Variants in CPXCR1 observed in about 807,000 individuals in gnomAD.
CPXCR1 encodes the protein CPX chromosome region candidate 1.
CPXCR1 carries 15 observed loss-of-function variants against 13.8 expected under a neutral mutation model. That is an observed-to-expected ratio of 1.09 (90% CI 0.73 to 1.67). The LOEUF (loss-of-function observed/expected upper bound fraction) is 1.67, where lower values mean the gene tolerates loss of function less well. Ranked by LOEUF, CPXCR1 falls within the 40% of genes most tolerant of loss-of-function variation. CPXCR1 has a pLI of 0.00. For missense variants in CPXCR1, 247 were observed against 223.6 expected (o/e 1.10, Z -0.67); for synonymous variants, 70 against 76.7 (o/e 0.91, Z 0.46).
At chrX:88,749,886 T>C in intron 2 of CPXCR1, among the ~76,000 whole-genome samples, 1 of 108,100 alleles carries the variant, frequency 9.3e-6, no homozygotes, top group Admixed American at 1.0e-4. Context: ...ATCACTATTA[T>C]TGGTGTATAG....
chrX:88,748,376 T>C (rs1032385486), intron 1 of CPXCR1, among the ~76,000 whole-genome samples: 7 of 108,620 alleles, frequency 6.4e-5, no homozygotes, highest in Non-Finnish European at 1.1e-4. Context: ...TATAATGCTC[T>C]ATGTAAGTGA....
chrX:88,753,244 C>T (rs376794617), intron 2 of CPXCR1, among the ~76,000 whole-genome samples, 163 bp from the exon 3 acceptor site: 4 of 111,549 alleles, frequency 3.6e-5, no homozygotes, highest in East Asian at 2.8e-4. Flanking sequence ...CCTCAGTTTT[C>T]ACTTTATTCT....
At chrX:88,752,721 A>AT (rs1412238839) in intron 2 of CPXCR1, among the ~76,000 whole-genome samples, 1 of 109,019 alleles carries the variant, frequency 9.2e-6, no homozygotes, top group Non-Finnish European at 1.9e-5. Context: ...TAATTTTTGT[A>AT]TTTTTTGTAG....
intron 2 of CPXCR1, among the ~76,000 whole-genome samples, chrX:88,751,574 CT>C: frequency 9.0e-6 from 1 of 111,536 alleles, no homozygotes; most frequent in South Asian, 3.7e-4. Context: ...CTGTTCATGT[CT>C]GTTAGGTCCA....
chrX:88,751,970 C>T (rs975350965), intron 2 of CPXCR1, among the ~76,000 whole-genome samples: 2 of 111,630 alleles, frequency 1.8e-5, no homozygotes, highest in Admixed American at 9.5e-5. Flanking sequence ...TATGTTAGCT[C>T]ATAAAAACTA....
chrX:88,753,578 C>A lies in CPXCR1; in HGVS notation c.164C>A (p.Thr55Lys), dbSNP rs1296045816. 8.3e-7 allele frequency: 1 copy of A among 1,208,459 alleles called. No homozygotes were observed. The change falls in exon 3 of 3, where the codon ACA (threonine) becomes AAA (lysine). Residue 55 changes from threonine to lysine, a missense_variant. Transcript: ENST00000276127. ...AACCCAATAAACAGGGAGCCAGGCA[C>A]AGCAACCTCCCAGGAAGATGTTGTT... ...ETNPINREPG[T>K]ATSQEDVVPQ...
At chrX:88,751,091 C>A (rs2206242) in intron 2 of CPXCR1, among the ~76,000 whole-genome samples, 10,060 of 110,736 alleles carry the variant, frequency 0.091, 1,090 homozygotes, top group African/African-American at 0.31. Flanking sequence ...CTGATCTTAG[C>A]TATTACTTGT....
At chrX:88,748,373 C>T (rs758569754) in intron 1 of CPXCR1, among the ~76,000 whole-genome samples, 3 of 105,170 alleles carry the variant, frequency 2.9e-5, no homozygotes, top group Admixed American at 1.0e-4. Flanking sequence ...ATTTATAATG[C>T]TCTATGTAAG....
intron 2 of CPXCR1, among the ~76,000 whole-genome samples, chrX:88,750,445 CT>C (rs1298612234): frequency 9.0e-6 from 1 of 111,454 alleles, no homozygotes; most frequent in Non-Finnish European, 1.9e-5. Flanking sequence ...GGTGGATAAG[CT>C]TTTTGATGTG....
Position 88,753,482 on chromosome X carries a change from C to T in CPXCR1, c.68C>T (p.Pro23Leu), listed in dbSNP as rs755889867. Residue 23 changes from proline (P) to leucine (L), a missense_variant, in exon 3 of 3, where the codon CCT (proline) becomes CTT (leucine). Coordinates refer to ENST00000276127, the MANE Select transcript of CPXCR1 (RefSeq NM_033048.6). The part of the protein sequence containing the change: ...GNAHKNSENE[P>L]PNDCSTDIES... Reference sequence around the variant, plus strand: ...GCTCACAAAAATTCTGAAAATGAGCCTCCTAATGACTGTAGTACAGACATA... The same window carrying T: ...GCTCACAAAAATTCTGAAAATGAGCTTCCTAATGACTGTAGTACAGACATA... The T allele has an allele frequency of 7.7e-6, 9 of 1,171,038 alleles. No individual in the cohort carries two copies. The highest frequency in any genetic ancestry group is 9.1e-6 in the Non-Finnish European group (8 of 875,398).
chrX:88,752,650 G>A (rs964573271), intron 2 of CPXCR1, among the ~76,000 whole-genome samples: 3 of 109,940 alleles, frequency 2.7e-5, no homozygotes, highest in Non-Finnish European at 3.8e-5. Flanking sequence ...GGGTTCCAGC[G>A]ATTCTCCTGT....
intron 2 of CPXCR1, among the ~76,000 whole-genome samples, chrX:88,751,573 T>G (rs770599003): frequency 1.4e-4 from 16 of 111,734 alleles, no homozygotes; most frequent in Non-Finnish European, 2.8e-4. Context: ...TCTGTTCATG[T>G]CTGTTAGGTC....
chrX:88,750,680 TTGGTTGTGAATCTGTC>T (rs887280178), intron 2 of CPXCR1, among the ~76,000 whole-genome samples: 9 of 111,750 alleles, frequency 8.1e-5, no homozygotes, highest in Non-Finnish European at 1.7e-4. Context: ...CTGGTAGAAT[TTGGTTGTGAATCTGTC>T]TGGTCCTGGA....
At position 88,753,717 on chromosome X, in the gene CPXCR1, CT is replaced by C. The variant is rs1263868616; in HGVS notation, c.304del (p.Ser102LeufsTer5). The C allele has an allele frequency of 1.7e-6, 2 of 1,207,242 alleles. No homozygotes were observed. The highest frequency in any genetic ancestry group is 1.8e-5 in the African/African-American group (1 of 56,977). On this transcript the variant is annotated frameshift_variant, in exon 3 of 3. Coordinates refer to ENST00000276127, the MANE Select transcript of CPXCR1 (RefSeq NM_033048.6). LOFTEE classifies it high-confidence loss of function. ...AGACCCCCATTCCCAGAAAATTGGT[CT>C]CTCACAAGCCCTTAAATGATAGATC... ...LQTPIPRKLV[S>X]HKPLNDRSRS...
chrX:88,748,336 T>C (rs1312268248), intron 1 of CPXCR1, among the ~76,000 whole-genome samples: 1 of 108,678 alleles, frequency 9.2e-6, no homozygotes, highest in East Asian at 2.8e-4. Context: ...TGTATATATA[T>C]TTTTAGTGTT....
chrX:88,749,020 C>T (rs775312701), intron 1 of CPXCR1, among the ~76,000 whole-genome samples: 1 of 105,959 alleles, frequency 9.4e-6, no homozygotes, highest in African/African-American at 3.5e-5. Flanking sequence ...TGTTGGTGTG[C>T]TGCACCCATT....
In CPXCR1 at chrX:88,753,950, C is replaced by T; in HGVS notation, c.536C>T (p.Ala179Val). ...ATGTGGGTAAAGCGAAAATATATAG[C>T]ATGTCTTTACCATCCAAATAGTTTC... ...NTMWVKRKYI[A>V]CLYHPNSFTH... Residue 179 changes from alanine to valine, a missense_variant, in exon 3 of 3, where the codon GCA (alanine) becomes GTA (valine). Transcript: ENST00000276127. The T allele has an allele frequency of 8.3e-7, 1 of 1,209,719 alleles. No individual in the cohort carries two copies. The highest frequency in any genetic ancestry group is 1.1e-6 in the Non-Finnish European group (1 of 894,099).
intron 1 of CPXCR1, among the ~76,000 whole-genome samples, chrX:88,748,900 C>A (rs892476241): frequency 7.5e-5 from 8 of 106,893 alleles, no homozygotes; most frequent in Non-Finnish European, 1.3e-4. Context: ...CACTTAAAAT[C>A]TACCCTTTTA....
rs1924990921 is a variant in CPXCR1 at position 88,753,661 on chromosome X, G to A, written c.247G>A (p.Glu83Lys). ...ETEIQKDQRE[E>K]DLKEELLLLQ... Reference sequence around the variant, plus strand: ...AGAGATCCAAAAAGATCAACGAGAAGAAGATCTAAAAGAAGAGCTTCTTCT... The same window carrying A: ...AGAGATCCAAAAAGATCAACGAGAAAAAGATCTAAAAGAAGAGCTTCTTCT... The change falls in exon 3 of 3, where the codon GAA (glutamate) becomes AAA (lysine). Residue 83 changes from glutamate (E) to lysine (K), a missense_variant. By Grantham distance (56) the Glu-to-Lys change is moderately conservative. Coordinates refer to ENST00000276127, the MANE Select transcript of CPXCR1 (RefSeq NM_033048.6). The A allele has an allele frequency of 2.5e-6, 3 of 1,209,623 alleles. No individual in the cohort carries two copies. Among genetic ancestry groups the A allele is most frequent in the Non-Finnish European group, 1.1e-6 (1 of 894,698 alleles).
Sources: gnomAD v4.1 joint callset for allele counts (sites outside exome capture counted in the v4.1 genomes callset) on GRCh38, gnomAD v4.1.1 for gene constraint, MANE v1.5 for transcripts, NCBI Gene and HGNC (gene_info 2026-07-23, HGNC 2026-07-21) for gene names.